PHLDB2: variants seen among roughly 807,000 people sequenced by gnomAD.
PHLDB2 encodes pleckstrin homology like domain family B member 2, also known as pleckstrin homology-like domain family B member 2.
PHLDB2 carries 71 observed loss-of-function variants against 123.6 expected under a neutral mutation model. That is an observed-to-expected ratio of 0.57 (90% CI 0.47 to 0.70). PHLDB2 has a LOEUF of 0.70. PHLDB2 is among the 30% of genes least tolerant of loss of function. The pLI is 0.00. For synonymous variants in PHLDB2, 547 were observed against 541.6 expected, an observed-to-expected ratio of 1.01 and a Z score of -0.14; for missense variants, 1,446 against 1,519.5, an observed-to-expected ratio of 0.95 and a Z score of 0.80.
At chr3:111,763,598 A>G (rs1304990048) in intron 1 of PHLDB2, among the ~76,000 whole-genome samples, 3 of 152,182 alleles carry the variant, frequency 2.0e-5, no homozygotes, top group African/African-American at 7.2e-5. Context: ...CTCTACTGCA[A>G]GGAAAAGAGC....
rs2068344925 is a variant in PHLDB2 at position 111,919,011 on chromosome 3, C to T, written c.1720-61C>T. On this transcript the variant is annotated intron_variant, in intron 3 of 17. Coordinates refer to ENST00000431670, the MANE Select transcript of PHLDB2 (RefSeq NM_001134438.2). Reference sequence around the variant, plus strand: ...CTAGACCTGTGGATGGTTTACAAGTCAAGTTGGGAAATTCTAGAACTGAGG... The same window carrying T: ...CTAGACCTGTGGATGGTTTACAAGTTAAGTTGGGAAATTCTAGAACTGAGG... 3.2e-6 allele frequency: 5 copies of T among 1,569,170 alleles called. No homozygotes were observed. In the African/African-American group the frequency reaches 5.4e-5, roughly 17 times the overall value.
intron 1 of PHLDB2, among the ~76,000 whole-genome samples, chr3:111,875,820 C>CA (rs34846400): frequency 0.034 from 3,917 of 114,902 alleles, 101 homozygotes; most frequent in African/African-American, 0.087. Flanking sequence ...AAGACTGTCT[C>CA]AAAAAAAAAA....
intron 2 of PHLDB2, among the ~76,000 whole-genome samples, chr3:111,908,619 T>C (rs187915584): frequency 7.2e-5 from 11 of 152,282 alleles, no homozygotes; most frequent in Admixed American, 6.5e-4. Flanking sequence ...TTTTCACACT[T>C]CATTGGCCGG....
chr3:111,949,160 A>G (rs376008962), intron 10 of PHLDB2, 85 bp downstream of exon 10: 1 of 1,474,880 alleles, frequency 6.8e-7, no homozygotes, highest in African/African-American at 1.4e-5. Context: ...GAGGTCCACG[A>G]GAACGTGCAT....
At chr3:111,919,350 G>A (rs922602090) in intron 4 of PHLDB2, 135 bp downstream of exon 4, 2 of 887,730 alleles carry the variant, frequency 2.3e-6, no homozygotes, top group East Asian at 5.1e-5. Context: ...TGGGTTCCCT[G>A]TATAGAGTGA....
At chr3:111,886,463 G>A (rs1034695545) in intron 2 of PHLDB2, among the ~76,000 whole-genome samples, 2 of 145,036 alleles carry the variant, frequency 1.4e-5, no homozygotes, top group Non-Finnish European at 3.0e-5. Flanking sequence ...TTTTTTTTAA[G>A]CTCATCAGCT....
At chr3:111,792,558 T>C (rs78017264) in intron 1 of PHLDB2, among the ~76,000 whole-genome samples, 1 of 151,972 alleles carries the variant, frequency 6.6e-6, no homozygotes, top group Non-Finnish European at 1.5e-5. Context: ...AATTTTAAAA[T>C]TCGCCAAGTG....
At chr3:111,779,951 T>G in intron 1 of PHLDB2, 9 of 836,436 alleles carry the variant, frequency 1.1e-5, no homozygotes, top group Non-Finnish European at 1.3e-5. Context: ...ACATTCAGAT[T>G]TTTAGGAAGA....
In PHLDB2 at chr3:111,893,900, TTTTA is replaced by T. The variant is rs146051192; in HGVS notation, c.1335+8504_1335+8507del. Among the ~76,000 whole-genome samples, 381 of 136,628 alleles carry T rather than the reference TTTTA, an allele frequency of 2.8e-3. 3 individuals carry two copies. The highest frequency in any genetic ancestry group is 0.024 in the Middle Eastern group (6 of 252). The allele number at this position is 136,628 out of a possible 152,430, so 89.6% of individuals were successfully genotyped here. A position where few individuals can be genotyped will look rare whatever the true frequency, so the allele number is the denominator to read the frequency against. On this transcript the variant is annotated intron_variant, in intron 2 of 17. Coordinates refer to ENST00000431670, the MANE Select transcript of PHLDB2 (RefSeq NM_001134438.2). ...TTCTTTTTTTTTTTTTTGGATTTAT[TTTTA>T]TTTATTTATTTATTTTTTATTATAC...
chr3:111,814,463 T>C (rs1387963209), intron 1 of PHLDB2, among the ~76,000 whole-genome samples: 1 of 152,140 alleles, frequency 6.6e-6, no homozygotes, highest in Non-Finnish European at 1.5e-5. Flanking sequence ...TTTGTGATCA[T>C]GTAAGTTAAT....
intron 11 of PHLDB2, 65 bp from the exon 12 acceptor site, chr3:111,953,864 TG>T: frequency 8.1e-7 from 1 of 1,239,912 alleles, no homozygotes; most frequent in Non-Finnish European, 1.2e-6. Flanking sequence ...AACAGGGATG[TG>T]GCCATTTCCT....
rs775616090 is a variant in PHLDB2, at chr3:111,969,694, G to A, written c.3320G>A (p.Arg1107His). Residue 1107 changes from arginine to histidine, a missense_variant, in exon 16 of 18, where the codon CGT becomes CAT. This residue lies in a region of PHLDB2 where 594 missense variants were observed against 646.0 expected (regional missense o/e 0.92). Transcript: ENST00000431670. ...KIRERQRAQA[R>H]PLTRYLPVRK... Reference sequence around the variant, plus strand: ...ATGGGTTTTGCACTTTTCCAGGCTCGTCCTTTGACACGCTACCTGCCTGTC... The same window carrying A: ...ATGGGTTTTGCACTTTTCCAGGCTCATCCTTTGACACGCTACCTGCCTGTC... The A allele has an allele frequency of 5.6e-6, 9 of 1,613,546 alleles. No homozygotes were observed. Among genetic ancestry groups the A allele is most frequent in the African/African-American group, 5.3e-5 (4 of 74,866 alleles).
intron 5 of PHLDB2, among the ~76,000 whole-genome samples, chr3:111,925,300 T>C (rs2068752564): frequency 6.6e-6 from 1 of 152,232 alleles, no homozygotes; most frequent in African/African-American, 2.4e-5. Flanking sequence ...TAAAATATAG[T>C]CAGTTTGTTC....
intron 1 of PHLDB2, among the ~76,000 whole-genome samples, chr3:111,756,096 G>T (rs1281397003): frequency 6.6e-6 from 1 of 152,080 alleles, no homozygotes. Flanking sequence ...TTTTGGAATA[G>T]GTGTGGTGTG....
rs761221612 is a variant in PHLDB2 at position 111,974,499 on chromosome 3, C to T, written c.3698C>T (p.Ala1233Val). The change falls in exon 18 of 18, where the codon GCC becomes GTC. Residue 1233 changes from alanine (A) to valine (V), a missense_variant. This residue lies in a region of PHLDB2 where 594 missense variants were observed against 646.0 expected (regional missense o/e 0.92). Transcript: ENST00000431670. ...TATATGGTAGCCCCATCGCCAGAAG[C>T]CATGCGGATCTGGATGGATGTTATA... is the stretch of plus-strand genomic sequence containing the variant. ...IYYMVAPSPE[A>V]MRIWMDVIVT... 12 of 1,613,760 alleles carry T rather than the reference C, an allele frequency of 7.4e-6. No individual in the cohort carries two copies. The Admixed American group carries it at 1.5e-4, about 20-fold the overall frequency.
At chr3:111,816,788 A>C (rs1477704402) in intron 1 of PHLDB2, among the ~76,000 whole-genome samples, 1 of 152,206 alleles carries the variant, frequency 6.6e-6, no homozygotes, top group Non-Finnish European at 1.5e-5. Context: ...AGGGGCCAAC[A>C]GTGGAATGAT....
intron 1 of PHLDB2, among the ~76,000 whole-genome samples, chr3:111,823,393 C>T (rs1445438224): frequency 6.6e-6 from 1 of 152,188 alleles, no homozygotes; most frequent in Non-Finnish European, 1.5e-5. Context: ...AAAAAAGTTG[C>T]ACCATATCGT....
intron 2 of PHLDB2, among the ~76,000 whole-genome samples, chr3:111,897,321 G>A (rs187213255): frequency 3.9e-5 from 6 of 152,282 alleles, no homozygotes; most frequent in Admixed American, 2.0e-4. Context: ...TGTGTGTTTC[G>A]TTGGGTCCCC....
At chr3:111,827,419 TAATCCCAGCACTTTGGGAGGCCC>T (rs942639883) in intron 1 of PHLDB2, among the ~76,000 whole-genome samples, 31 of 152,174 alleles carry the variant, frequency 2.0e-4, no homozygotes, top group Non-Finnish European at 8.8e-5. Flanking sequence ...CTCACGCCTG[TAATCCCAGCACTTTGGGAGGCCC>T]AGGTGGGCGG....
Sources: gnomAD v4.1 joint callset for allele counts (sites outside exome capture counted in the v4.1 genomes callset) on GRCh38, gnomAD v4.1.1 for gene constraint, gnomAD v4.1.1 regional missense constraint, MANE v1.5 for transcripts, NCBI Gene and HGNC (gene_info 2026-07-23, HGNC 2026-07-21) for gene names.